MAP4: variants seen among roughly 807,000 people sequenced by gnomAD.
MAP4 encodes the protein microtubule-associated protein 4.
Under a neutral mutation model 170.2 loss-of-function variants are expected in MAP4, and 76 were observed. The observed-to-expected ratio is 0.45, with a 90% CI of 0.37 to 0.54. The LOEUF (loss-of-function observed/expected upper bound fraction) is 0.54. Ranked by LOEUF, MAP4 falls within the 20% of genes least tolerant of loss-of-function variation. The probability of loss-of-function intolerance (pLI) is 0.00; values close to 1 mark genes in which losing one functional copy is unlikely to be tolerated. For missense variants in MAP4, 2,506 were observed against 2,748.0 expected, an observed-to-expected ratio of 0.91 and a Z score of 1.97; for synonymous variants, 909 against 994.5, an observed-to-expected ratio of 0.91 and a Z score of 1.62.
rs2100034926 is a variant in MAP4 at position 47,909,649 on chromosome 3, C to G, written c.4772G>C (p.Arg1591Thr). The G allele has an allele frequency of 6.2e-7, 1 of 1,613,844 alleles. No homozygotes were observed. Among genetic ancestry groups the G allele is most frequent in the Non-Finnish European group, 8.5e-7 (1 of 1,179,900 alleles). The change falls in exon 9 of 21, where the codon AGA becomes ACA. Residue 1591 changes from arginine to threonine, a missense_variant. Physicochemically the swap from Arg to Thr is moderately conservative, Grantham distance 71. Coordinates refer to ENST00000683076, the MANE Select transcript of MAP4 (RefSeq NM_001385682.1). ...TCTATCTGCATATCCTTCTAGGGCT[C>G]TGGCCTCTCCTGGTAGGCTCTGGTC... ...VEDQSLPGEA[R>T]ALEGYADRGN...
In MAP4 at chr3:48,038,459, C is replaced by CTTT. The variant is rs397989482; in HGVS notation, c.-19-39583_-19-39581dup. Among the ~76,000 whole-genome samples the CTTT allele has an allele frequency of 3.9e-4, 48 of 121,924 alleles. 1 individual carries two copies. Among genetic ancestry groups the CTTT allele is most frequent in the African/African-American group, 5.3e-4 (17 of 32,344 alleles). The allele number at this position is 121,924 out of a possible 152,430, so 80.0% of individuals were successfully genotyped here. ...CCATACTATGTACAATGCACTGAAACTTTTTTTTTTTTTTTTTTTGAGATG... is the reference window on the plus strand; with the variant it reads ...CCATACTATGTACAATGCACTGAAACTTTTTTTTTTTTTTTTTTTTTTGAGATG... On this transcript the variant is annotated intron_variant, in intron 1 of 18. Coordinates refer to the MAP4 transcript ENST00000360240.
intron 2 of MAP4, among the ~76,000 whole-genome samples, chr3:47,984,100 T>C (rs2100087112): frequency 6.6e-6 from 1 of 151,878 alleles, no homozygotes; most frequent in Non-Finnish European, 1.5e-5. Context: ...ACTTTCTCCC[T>C]GCCTTTCCTC....
chr3:47,852,639 G>A lies in MAP4; in HGVS notation c.*295C>T, dbSNP rs796792930. On this transcript the variant is annotated 3_prime_UTR_variant, in exon 21 of 21. Transcript: ENST00000683076. ...CCAACCTCCTCCACGGAGCAGTGGC[G>A]CAGTGATGGGGCAAGACCAAAGCAG... 27 of 1,063,262 alleles carry A rather than the reference G, an allele frequency of 2.5e-5. No homozygotes were observed. Among genetic ancestry groups the A allele is most frequent in the African/African-American group, 1.8e-4 (11 of 62,552 alleles). 65.9% of individuals were successfully genotyped at this position (1,063,262 alleles called of 1,614,324 possible). A position where few individuals can be genotyped will look rare whatever the true frequency, so the allele number is the denominator to read the frequency against.
chr3:47,931,166 G>C (rs1199909625), intron 3 of MAP4, among the ~76,000 whole-genome samples: 1 of 151,910 alleles, frequency 6.6e-6, no homozygotes, highest in African/African-American at 2.4e-5. Flanking sequence ...CCTGAGCCCA[G>C]GAGTTTGAGA....
chr3:47,929,043 C>T (rs2100047789), intron 3 of MAP4, among the ~76,000 whole-genome samples: 1 of 152,110 alleles, frequency 6.6e-6, no homozygotes, highest in Non-Finnish European at 1.5e-5. Context: ...AACCTGATTT[C>T]AAAAGTTATT....
At chr3:47,978,357 A>T (rs1351700273) in intron 2 of MAP4, among the ~76,000 whole-genome samples, 3 of 152,070 alleles carry the variant, frequency 2.0e-5, no homozygotes, top group Non-Finnish European at 4.4e-5. Flanking sequence ...TGCTCTTGTC[A>T]CCCAGACTGG....
chr3:48,036,252 T>C (rs938144590), intron 1 of MAP4, among the ~76,000 whole-genome samples: 22 of 152,234 alleles, frequency 1.4e-4, no homozygotes, highest in African/African-American at 2.4e-4. Context: ...CCTTTAACAA[T>C]TGAACACTAG....
intron 4 of MAP4, among the ~76,000 whole-genome samples, chr3:47,926,084 GACCTCAGGTGATCTGCCC>G (rs1247277457): frequency 2.6e-5 from 4 of 152,088 alleles, no homozygotes; most frequent in Non-Finnish European, 5.9e-5. Context: ...TCGAACTCCT[GACCTCAGGTGATCTGCCC>G]ACCTCAGCCT....
chr3:47,862,043 C>T (rs2067235460), intron 17 of MAP4, among the ~76,000 whole-genome samples: 2 of 151,060 alleles, frequency 1.3e-5, no homozygotes, highest in Non-Finnish European at 2.9e-5. Flanking sequence ...TGCCTGTAGT[C>T]CCAGCTACTC....
At chr3:47,967,546 G>A (rs990658296) in intron 3 of MAP4, among the ~76,000 whole-genome samples, 2 of 152,174 alleles carry the variant, frequency 1.3e-5, no homozygotes, top group African/African-American at 4.8e-5. Flanking sequence ...CGGCTACTCG[G>A]CAGGGTGAGG....
In MAP4 at chr3:47,911,629, A is replaced by G; in HGVS notation, c.2792T>C (p.Val931Ala). 1 of 1,536,058 alleles carries G rather than the reference A, an allele frequency of 6.5e-7. No individual in the cohort carries two copies. The highest frequency in any genetic ancestry group is 1.2e-5 in the South Asian group (1 of 84,060). ...PLNLKGPLAE[V>A]SAYNVETPLD... is the part of the protein sequence containing the mutation. ...AGGGGTTTCTACATTGTATGCAGAA[A>G]CTTCTGCTAGGGGTCCTTTCAGATT... The change falls in exon 9 of 21, where the codon GTT becomes GCT. Residue 931 changes from valine to alanine, a missense_variant. Around this residue, in one of 3 missense-constraint regions of MAP4, gnomAD observed 2,008 missense variants for 2,206.0 expected, o/e 0.91. Transcript: ENST00000683076. This position sits in a 1 kb window ranked among gnomAD's most constrained non-coding sequence, Gnocchi z 4.0.
In MAP4 at chr3:47,909,376, A is replaced by G. The variant is rs1290595917; in HGVS notation, c.5045T>C (p.Leu1682Ser). 7 of 1,613,822 alleles carry G rather than the reference A, an allele frequency of 4.3e-6. No homozygotes were observed. The Admixed American group carries it at 1.0e-4, about 23-fold the overall frequency. Residue 1682 changes from leucine to serine, a missense_variant, in exon 9 of 21, where the codon TTG becomes TCG. Around this residue, in one of 3 missense-constraint regions of MAP4, gnomAD observed 2,008 missense variants for 2,206.0 expected, o/e 0.91. Coordinates refer to ENST00000683076, the MANE Select transcript of MAP4 (RefSeq NM_001385682.1). ...EISLACKITE[L>S]ESVSLPTPEI... ...TGGTGTTGGCAAGGAAACGCTTTCC[A>G]ATTCCGTGATTTTACAAGCCAGACT... is the stretch of plus-strand genomic sequence containing the variant.
chr3:47,972,122 T>G (rs1268437344), intron 3 of MAP4, among the ~76,000 whole-genome samples: 1 of 152,232 alleles, frequency 6.6e-6, no homozygotes, highest in African/African-American at 2.4e-5. Flanking sequence ...AAAAGTTCCT[T>G]ATGCTATGCA....
chr3:47,993,128 C>T (rs2100093380), intron 2 of MAP4, among the ~76,000 whole-genome samples: 1 of 151,994 alleles, frequency 6.6e-6, no homozygotes, highest in African/African-American at 2.4e-5. Context: ...GGGGACAATG[C>T]CCCAAACAAA....
intron 3 of MAP4, among the ~76,000 whole-genome samples, chr3:47,958,792 T>G (rs533313777): frequency 4.7e-4 from 71 of 151,562 alleles, no homozygotes; most frequent in African/African-American, 1.7e-3. Flanking sequence ...CAAGCAATTC[T>G]CCTGCCTCAG....
chr3:47,996,799 G>A (rs958019511), intron 2 of MAP4, among the ~76,000 whole-genome samples: 6 of 149,886 alleles, frequency 4.0e-5, no homozygotes, highest in Admixed American at 3.3e-4. Context: ...AGATGACCCA[G>A]ATTTTCAAAT....
intron 1 of MAP4, among the ~76,000 whole-genome samples, chr3:48,038,711 C>A (rs2100120100): frequency 6.6e-6 from 1 of 152,256 alleles, no homozygotes; most frequent in East Asian, 1.9e-4. Context: ...CCGCCCGCCT[C>A]GGCCTCCCAG....
At chr3:47,991,216 C>A (rs1407485715) in intron 2 of MAP4, among the ~76,000 whole-genome samples, 1 of 152,142 alleles carries the variant, frequency 6.6e-6, no homozygotes, top group African/African-American at 2.4e-5. Context: ...AAGTTGAAGA[C>A]AATTAGGGTG....
At chr3:47,915,742 A>G (rs916640744) in intron 7 of MAP4, among the ~76,000 whole-genome samples, 1 of 152,182 alleles carries the variant, frequency 6.6e-6, no homozygotes, top group Non-Finnish European at 1.5e-5. Flanking sequence ...GAAAAACAGG[A>G]CAATCAGCAG....
Sources: gnomAD v4.1 joint callset for allele counts (sites outside exome capture counted in the v4.1 genomes callset) on GRCh38, gnomAD v4.1.1 for gene constraint, gnomAD v4.1.1 regional missense constraint, Gnocchi (gnomAD v3.1) non-coding constraint, MANE v1.5 for transcripts, NCBI Gene and HGNC (gene_info 2026-07-23, HGNC 2026-07-21) for gene names.